The following SFMBT2 variants were observed in gnomAD, a reference collection of about 807,000 sequenced individuals.
SFMBT2 encodes Scm like with four mbt domains 2.
SFMBT2 carries 38 observed loss-of-function variants against 110.1 expected under a neutral mutation model. That is an observed-to-expected ratio of 0.35 (90% CI 0.27 to 0.45). The LOEUF (loss-of-function observed/expected upper bound fraction) is 0.45. Among genes scored for constraint, SFMBT2 ranks in the 20% least tolerant of loss-of-function variants. SFMBT2 has a pLI of 1.00. For synonymous variants in SFMBT2, 425 were observed against 425.4 expected (o/e 1.00, Z 0.01); for missense variants, 1,011 against 1,094.9 (o/e 0.92, Z 1.08).
intron 4 of SFMBT2, among the ~76,000 whole-genome samples, chr10:7,339,669 C>T (rs1843828273): frequency 6.6e-6 from 1 of 152,206 alleles, no homozygotes; most frequent in African/African-American, 2.4e-5. Context: ...TTCACAGGGA[C>T]TGAAGTGGGC....
At chr10:7,198,765 A>G (rs1216369119) in intron 14 of SFMBT2, among the ~76,000 whole-genome samples, 2 of 152,252 alleles carry the variant, frequency 1.3e-5, no homozygotes, top group East Asian at 3.9e-4. Context: ...TCTTTCTTAC[A>G]GGTGGTGGCT....
chr10:7,396,309 G>C (rs973733019), intron 1 of SFMBT2, among the ~76,000 whole-genome samples: 1 of 152,248 alleles, frequency 6.6e-6, no homozygotes, highest in African/African-American at 2.4e-5. Flanking sequence ...GTTATGTATA[G>C]AGATCTGCCG....
At chr10:7,380,129 T>C (rs994118189) in intron 2 of SFMBT2, among the ~76,000 whole-genome samples, 3 of 152,150 alleles carry the variant, frequency 2.0e-5, no homozygotes, top group Admixed American at 6.5e-5. Context: ...TCAGCAAACA[T>C]AGGAAAGACT....
intron 4 of SFMBT2, among the ~76,000 whole-genome samples, chr10:7,337,236 G>A (rs1428193581): frequency 3.9e-5 from 6 of 152,170 alleles, no homozygotes; most frequent in South Asian, 2.1e-4. Context: ...GTTCAAAGCC[G>A]CTGCTATTAG....
intron 7 of SFMBT2, among the ~76,000 whole-genome samples, chr10:7,266,369 C>G (rs560633806): frequency 1.3e-5 from 2 of 152,326 alleles, no homozygotes; most frequent in East Asian, 3.9e-4. Context: ...GGATTACAGG[C>G]ATGAGCCACC....
At chr10:7,250,597 T>C (rs1840774608) in intron 7 of SFMBT2, among the ~76,000 whole-genome samples, 1 of 152,226 alleles carries the variant, frequency 6.6e-6, no homozygotes, top group Admixed American at 6.5e-5. Context: ...CCTTTGGGTA[T>C]ACAGCCACCA....
chr10:7,411,462 G>A (rs1588521061), upstream of SFMBT2: 1 of 152,196 alleles, frequency 6.6e-6, no homozygotes, highest in Non-Finnish European at 1.5e-5. Flanking sequence ...TGGCTCAGTC[G>A]ACCGTGTGCA....
At chr10:7,315,045 AAAG>A in intron 4 of SFMBT2, among the ~76,000 whole-genome samples, 1 of 105,324 alleles carries the variant, frequency 9.5e-6, no homozygotes, top group Non-Finnish European at 2.2e-5. Flanking sequence ...AAAGAGAAAG[AAAG>A]AAAGAAAGAA....
intron 11 of SFMBT2, chr10:7,215,547 G>C (rs1839506698): frequency 6.1e-6 from 6 of 985,298 alleles, no homozygotes; most frequent in Non-Finnish European, 7.2e-6. Flanking sequence ...GGGGGCTCCA[G>C]GGCACTGCTC....
chr10:7,392,718 T>C (rs540459073), intron 1 of SFMBT2, among the ~76,000 whole-genome samples: 2 of 152,198 alleles, frequency 1.3e-5, no homozygotes, highest in East Asian at 3.9e-4. Flanking sequence ...AGAATGTTTT[T>C]CTTTTTCAAC....
chr10:7,346,017 A>C (rs1354305425), intron 4 of SFMBT2, among the ~76,000 whole-genome samples: 1 of 152,198 alleles, frequency 6.6e-6, no homozygotes, highest in Non-Finnish European at 1.5e-5. Flanking sequence ...TAGGACAAAA[A>C]TAAAAGCACT....
intron 4 of SFMBT2, among the ~76,000 whole-genome samples, chr10:7,358,027 T>A (rs546827123): frequency 1.3e-5 from 2 of 151,530 alleles, no homozygotes; most frequent in East Asian, 1.9e-4. Flanking sequence ...CCCTAGAACA[T>A]CTGCATGGCC....
chr10:7,360,769 T>C (rs748550131), intron 4 of SFMBT2, among the ~76,000 whole-genome samples: 12 of 152,172 alleles, frequency 7.9e-5, no homozygotes, highest in Non-Finnish European at 1.5e-4. Context: ...GTCTACACCA[T>C]GATGAATGTG....
intron 1 of SFMBT2, among the ~76,000 whole-genome samples, chr10:7,384,066 C>T (rs986119661): frequency 6.6e-6 from 1 of 151,932 alleles, no homozygotes; most frequent in Admixed American, 6.6e-5. Context: ...CAAAAATTAG[C>T]CAGGCATGGT....
chr10:7,221,418 T>C (rs1203012302), intron 10 of SFMBT2, among the ~76,000 whole-genome samples: 3 of 151,726 alleles, frequency 2.0e-5, no homozygotes, highest in Non-Finnish European at 4.4e-5. Context: ...ATACAAAAAT[T>C]AGCTGAGCAT....
At chr10:7,334,513 G>A (rs762115746) in intron 4 of SFMBT2, among the ~76,000 whole-genome samples, 1 of 152,180 alleles carries the variant, frequency 6.6e-6, no homozygotes, top group Non-Finnish European at 1.5e-5. Flanking sequence ...CTGTGTCCCT[G>A]AGTCCCACAA....
chr10:7,296,259 GAATT>G (rs1200638896), intron 4 of SFMBT2, among the ~76,000 whole-genome samples: 1 of 152,108 alleles, frequency 6.6e-6, no homozygotes, highest in Non-Finnish European at 1.5e-5. Context: ...TGCTTTTAAA[GAATT>G]ACCTTCCAAA....
At position 7,231,845 on chromosome 10, in the gene SFMBT2, G is replaced by C. The variant is rs75866744; in HGVS notation, c.1121-3908C>G. Among the ~76,000 whole-genome samples, 790 of 152,216 alleles carry C rather than the reference G, an allele frequency of 5.2e-3. 7 individuals carry two copies. Among genetic ancestry groups the C allele is most frequent in the African/African-American group, 0.018 (745 of 41,520 alleles). On this transcript the variant is annotated intron_variant, in intron 9 of 20. Coordinates refer to ENST00000397167, the MANE Select transcript of SFMBT2 (RefSeq NM_001387889.1). ...TTTGGGCTGATAATGAGCTGTCTTT[G>C]TAAGGCAGTTTTGTGACAGCTCAGA...
intron 4 of SFMBT2, among the ~76,000 whole-genome samples, chr10:7,333,717 G>A (rs1181284878): frequency 2.7e-5 from 4 of 147,256 alleles, no homozygotes; most frequent in East Asian, 4.0e-4. Flanking sequence ...CGGCCTCCCC[G>A]CTTTCTCTCT....
Sources: allele counts gnomAD v4.1 joint callset (sites outside exome capture counted in the v4.1 genomes callset), GRCh38; gene constraint gnomAD v4.1.1; transcripts MANE v1.5; gene names NCBI Gene and HGNC (gene_info 2026-07-23, HGNC 2026-07-21).